The following CAMK1D variants were observed in gnomAD, a reference collection of about 807,000 sequenced individuals.
The protein encoded by CAMK1D is calcium/calmodulin-dependent protein kinase type 1D.
A neutral mutation model predicts 47.7 loss-of-function variants in CAMK1D; 9 were observed. The ratio of observed to expected loss-of-function variants is 0.19; its 90% CI spans 0.11 to 0.33. The LOEUF (loss-of-function observed/expected upper bound fraction) is 0.33, where lower values mean the gene tolerates loss of function less well. Among genes scored for constraint, CAMK1D ranks in the 10% least tolerant of loss-of-function variants. The pLI is 1.00. For missense variants in CAMK1D, 291 were observed against 488.7 expected (o/e 0.60, Z 3.81); for synonymous variants, 184 against 184.9 (o/e 0.99, Z 0.04).
chr10:12,516,896 G>A (rs533462841), intron 1 of CAMK1D, among the ~76,000 whole-genome samples: 1 of 152,266 alleles, frequency 6.6e-6, no homozygotes, highest in Admixed American at 6.5e-5. Flanking sequence ...TAAATGTTAA[G>A]ACTATCTTGT....
At chr10:12,520,467 T>C (rs1835372129) in intron 1 of CAMK1D, among the ~76,000 whole-genome samples, 1 of 60,254 alleles carries the variant, frequency 1.7e-5, no homozygotes, top group Non-Finnish European at 3.3e-5. Flanking sequence ...GCAGAGGGGC[T>C]CCTCACCTCC....
At position 12,563,690 on chromosome 10, in the gene CAMK1D, A is replaced by AGAGAGAGAGAGAGAGAGAGG. The variant is rs1564414460; in HGVS notation, c.224+10343_224+10344insAGAGAGAGAGGGAGAGAGAG. Among the ~76,000 whole-genome samples, 138 of 72,204 alleles carry AGAGAGAGAGAGAGAGAGAGG rather than the reference A, an allele frequency of 1.9e-3. 1 individual carries two copies. Among genetic ancestry groups the AGAGAGAGAGAGAGAGAGAGG allele is most frequent in the African/African-American group, 4.8e-3 (130 of 26,902 alleles). 47.4% of individuals were successfully genotyped at this position (72,204 alleles called of 152,430 possible). A position where few individuals can be genotyped will look rare whatever the true frequency, so the allele number is the denominator to read the frequency against. Reference sequence around the variant, plus strand: ...GAGAGAGAGAGAGAGAGAGAGAGAGAGAGAGAGAGGGAGAGAGAGGGAGAG... The same window carrying AGAGAGAGAGAGAGAGAGAGG: ...GAGAGAGAGAGAGAGAGAGAGAGAGAGAGAGAGAGAGAGAGAGAGGGAGAGAGAGGGAGAGAGAGGGAGAG... On this transcript the variant is annotated intron_variant, in intron 2 of 10. Transcript: ENST00000619168.
Position 12,448,073 on chromosome 10 carries a change from C to T in CAMK1D, c.92+98163C>T, listed in dbSNP as rs148980590. Among the ~76,000 whole-genome samples, 436 of 134,212 alleles carry T rather than the reference C, an allele frequency of 3.2e-3. 3 individuals are homozygous for T. The highest frequency in any genetic ancestry group is 0.01 in the African/African-American group (407 of 38,804). 88.0% of individuals were successfully genotyped at this position (134,212 alleles called of 152,430 possible). On this transcript the variant is annotated intron_variant, in intron 1 of 10. Coordinates refer to ENST00000619168, the MANE Select transcript of CAMK1D (RefSeq NM_153498.4). ...TTCACCATGTTGGTCAGGCTAGTCT[C>T]GAACTCCTGACCTTAAGTGATCCTC...
chr10:12,362,048 T>C (rs1837680758), intron 1 of CAMK1D, among the ~76,000 whole-genome samples: 1 of 152,110 alleles, frequency 6.6e-6, no homozygotes. Flanking sequence ...TCTCTGCTCC[T>C]TAAAACAAAA....
chr10:12,353,288 C>T (rs949072761), intron 1 of CAMK1D, among the ~76,000 whole-genome samples: 2 of 152,146 alleles, frequency 1.3e-5, no homozygotes, highest in African/African-American at 2.4e-5. Flanking sequence ...TACTTTCTCC[C>T]TACGTCTTTA....
At chr10:12,526,663 A>G (rs1390001319) in intron 1 of CAMK1D, among the ~76,000 whole-genome samples, 1 of 152,044 alleles carries the variant, frequency 6.6e-6, no homozygotes, top group Non-Finnish European at 1.5e-5. Flanking sequence ...CAAGCCTGTA[A>G]TCCCAGCACT....
At chr10:12,492,313 CTGCTTACTAGGAAACTGGAG>C (rs1363400945) in intron 1 of CAMK1D, among the ~76,000 whole-genome samples, 2 of 143,430 alleles carry the variant, frequency 1.4e-5, no homozygotes, top group Non-Finnish European at 3.0e-5. Context: ...CCGTGGGGTT[CTGCTTACTAGGAAACTGGAG>C]TAACACCTCA....
chr10:12,446,876 G>A (rs1038601510), intron 1 of CAMK1D, among the ~76,000 whole-genome samples: 14 of 152,126 alleles, frequency 9.2e-5, no homozygotes, highest in Admixed American at 9.2e-4. Flanking sequence ...CTTCCTTTGA[G>A]AATTCTTTGA....
intron 2 of CAMK1D, among the ~76,000 whole-genome samples, chr10:12,581,943 T>C (rs60992256): frequency 0.049 from 7,482 of 152,308 alleles, 264 homozygotes; most frequent in East Asian, 0.15. Context: ...TTTTGGGTTC[T>C]TGCTCATGAA....
In CAMK1D at chr10:12,637,462, T is replaced by C. The variant is rs191908541; in HGVS notation, c.225-29274T>C. Among the ~76,000 whole-genome samples, 18 of 152,314 alleles carry C rather than the reference T, an allele frequency of 1.2e-4. No individual in the cohort carries two copies. The East Asian group carries it at 3.1e-3, about 26-fold the overall frequency. On this transcript the variant is annotated intron_variant, in intron 2 of 10. Coordinates refer to ENST00000619168, the MANE Select transcript of CAMK1D (RefSeq NM_153498.4). ...AGACAGCCTCTGCGTCTTTCTTTAA[T>C]GCAAACGCATGGACGTATGACATCC... is the stretch of plus-strand genomic sequence containing the variant.
chr10:12,753,220 C>T (rs1221465086), intron 3 of CAMK1D, among the ~76,000 whole-genome samples: 1 of 152,212 alleles, frequency 6.6e-6, no homozygotes, highest in African/African-American at 2.4e-5. Flanking sequence ...CCACTGCATA[C>T]CAAGTACAAT....
chr10:12,552,248 C>T (rs947628915), intron 1 of CAMK1D, among the ~76,000 whole-genome samples: 5 of 152,200 alleles, frequency 3.3e-5, no homozygotes, highest in African/African-American at 1.2e-4. Context: ...TCTGCCGTTG[C>T]AGAGTGAAAT....
At chr10:12,515,431 A>C (rs1442150142) in intron 1 of CAMK1D, among the ~76,000 whole-genome samples, 39 of 41,788 alleles carry the variant, frequency 9.3e-4, no homozygotes, top group African/African-American at 1.7e-3. Context: ...TTTTTTTTTC[A>C]TTATACTTTA....
intron 1 of CAMK1D, among the ~76,000 whole-genome samples, chr10:12,410,499 A>G (rs1268358772): frequency 6.6e-6 from 1 of 152,226 alleles, no homozygotes; most frequent in Non-Finnish European, 1.5e-5. Context: ...CAAGACAGAC[A>G]CAACTCTGTC....
At chr10:12,715,336 T>C (rs1834086842) in intron 3 of CAMK1D, among the ~76,000 whole-genome samples, 1 of 152,248 alleles carries the variant, frequency 6.6e-6, no homozygotes, top group Admixed American at 6.5e-5. Flanking sequence ...TCTTTGTCTC[T>C]TCTCAAATGC....
intron 2 of CAMK1D, among the ~76,000 whole-genome samples, chr10:12,582,493 A>G (rs1267024561): frequency 6.6e-6 from 1 of 152,046 alleles, no homozygotes; most frequent in Non-Finnish European, 1.5e-5. Flanking sequence ...TATTGATTCT[A>G]CCTATCCATG....
At chr10:12,462,638 G>C (rs560158073) in intron 1 of CAMK1D, among the ~76,000 whole-genome samples, 37 of 152,232 alleles carry the variant, frequency 2.4e-4, no homozygotes, top group Admixed American at 2.4e-3. Flanking sequence ...ACATGAGAAG[G>C]GTCAGAGTTC....
In CAMK1D at chr10:12,623,435, C is replaced by T. The variant is rs192984861; in HGVS notation, c.225-43301C>T. ...TCCTTTCTTTCCTTCCTCCCTCCCT[C>T]CCTTCTTTCCTTCCTTCCTCCCTCC... On this transcript the variant is annotated intron_variant, in intron 2 of 10. Transcript: ENST00000619168. Among the ~76,000 whole-genome samples, 5 of 5,304 alleles carry T rather than the reference C, an allele frequency of 9.4e-4. 1 individual carries two copies. Among genetic ancestry groups the T allele is most frequent in the Non-Finnish European group, 1.2e-3 (3 of 2,554 alleles). 3.5% of individuals were successfully genotyped at this position (5,304 alleles called of 152,430 possible).
chr10:12,435,947 C>T (rs979951381), intron 1 of CAMK1D, among the ~76,000 whole-genome samples: 1 of 152,196 alleles, frequency 6.6e-6, no homozygotes, highest in South Asian at 2.1e-4. Context: ...GCTGAGGCTC[C>T]ACCCTTGTCT....
Sources: gnomAD v4.1 joint callset for allele counts (sites outside exome capture counted in the v4.1 genomes callset) on GRCh38, gnomAD v4.1.1 for gene constraint, MANE v1.5 for transcripts, NCBI Gene and HGNC (gene_info 2026-07-23, HGNC 2026-07-21) for gene names.